The following CAST variants were observed in gnomAD, a reference collection of about 807,000 sequenced individuals.
CAST encodes the protein calpastatin.
In CAST, 76 loss-of-function variants were observed where a neutral mutation model predicts 119.6. That is an observed-to-expected ratio of 0.64 (90% CI 0.53 to 0.77). The LOEUF (loss-of-function observed/expected upper bound fraction) is 0.77, where lower values mean the gene tolerates loss of function less well. CAST is among the 30% of genes least tolerant of loss of function. The probability of loss-of-function intolerance (pLI) is 0.00; values close to 1 mark genes in which losing one functional copy is unlikely to be tolerated. For missense variants in CAST, 953 were observed against 946.5 expected (o/e 1.01, Z -0.09); for synonymous variants, 319 against 331.6 (o/e 0.96, Z 0.41).
chr5:96,487,958 C>T, the CAST span, among the ~76,000 whole-genome samples: 179 of 152,264 alleles, frequency 1.2e-3, 1 homozygote, highest in Non-Finnish European at 2.4e-3. Flanking sequence ...TTCCACTAAC[C>T]GTTAATAACC....
At chr5:96,642,490 C>A (rs553080321) in intron 1 of CAST, among the ~76,000 whole-genome samples, 1 of 151,440 alleles carries the variant, frequency 6.6e-6, no homozygotes, top group East Asian at 1.9e-4. Context: ...GCACTATTTG[C>A]ATTGAATGGC....
chr5:96,744,158 A>C (rs1763254895), intron 16 of CAST, among the ~76,000 whole-genome samples: 1 of 152,226 alleles, frequency 6.6e-6, no homozygotes, highest in African/African-American at 2.4e-5. Flanking sequence ...AGAAAACTTC[A>C]GAGTCGCAGC....
the CAST span, among the ~76,000 whole-genome samples, chr5:96,077,772 A>G: frequency 1.3e-5 from 2 of 152,158 alleles, no homozygotes; most frequent in Non-Finnish European, 2.9e-5. Context: ...CCCTCACCAC[A>G]AGCAGATGCT....
At chr5:96,061,565 G>A in the CAST span, among the ~76,000 whole-genome samples, 6 of 152,120 alleles carry the variant, frequency 3.9e-5, no homozygotes, top group African/African-American at 1.2e-4. Flanking sequence ...AGACTTGGAT[G>A]CACTATAGCC....
chr5:96,321,896 TC>T, the CAST span, among the ~76,000 whole-genome samples: 40 of 152,326 alleles, frequency 2.6e-4, no homozygotes, highest in African/African-American at 8.4e-4. Flanking sequence ...TGCTATGGTA[TC>T]TCCCTTCTCC....
chr5:96,272,887 A>G, the CAST span, among the ~76,000 whole-genome samples: 2 of 152,210 alleles, frequency 1.3e-5, no homozygotes, highest in African/African-American at 4.8e-5. Flanking sequence ...TTATATATCA[A>G]TAAAAAAATA....
the CAST span, among the ~76,000 whole-genome samples, chr5:95,981,799 C>T: frequency 2.4e-4 from 36 of 152,196 alleles, no homozygotes; most frequent in South Asian, 5.4e-3. Flanking sequence ...CACTTGAACC[C>T]GGGAGGTGGA....
the CAST span, chr5:96,392,498 G>A: frequency 6.3e-6 from 1 of 157,508 alleles, no homozygotes; most frequent in African/African-American, 2.4e-5. Context: ...GAAAGATCTA[G>A]GGAATGAGTC....
the CAST span, among the ~76,000 whole-genome samples, chr5:96,112,049 A>G: frequency 6.6e-6 from 1 of 151,390 alleles, no homozygotes; most frequent in Non-Finnish European, 1.5e-5. Flanking sequence ...TATTTATATT[A>G]TTAGTTTAAT....
intron 1 of CAST, among the ~76,000 whole-genome samples, chr5:96,608,321 AGGCAAAT>A (rs970451129): frequency 2.6e-5 from 4 of 152,322 alleles, no homozygotes; most frequent in South Asian, 2.1e-4. Flanking sequence ...CTGTGTTCTT[AGGCAAAT>A]GGCAAATGGC....
chr5:96,722,577 A>G, intron 3 of CAST, 62 bp from the exon 4 acceptor site: 1 of 1,258,968 alleles, frequency 7.9e-7, no homozygotes, highest in Non-Finnish European at 1.2e-6. Flanking sequence ...GAGGAGCTGA[A>G]GGACCATGTA....
intron 18 of CAST, 25 bp downstream of exon 18, chr5:96,747,417 TA>T (rs757034911): frequency 1.4e-5 from 21 of 1,459,220 alleles, no homozygotes; most frequent in Non-Finnish European, 1.4e-5. Context: ...TTTTTTCTGA[TA>T]CTTAAAGAAC....
intron 1 of CAST, among the ~76,000 whole-genome samples, chr5:96,626,741 A>C (rs1459942033): frequency 6.6e-6 from 1 of 152,144 alleles, no homozygotes; most frequent in Non-Finnish European, 1.5e-5. Context: ...TGCTATCTAG[A>C]TTGCTGTTCT....
intron 1 of CAST, among the ~76,000 whole-genome samples, chr5:96,618,174 G>A (rs1273713896): frequency 6.6e-6 from 1 of 152,232 alleles, no homozygotes; most frequent in Non-Finnish European, 1.5e-5. Flanking sequence ...TTTTCAGGCA[G>A]AAGGTAAATG....
At chr5:96,114,375 T>C in the CAST span, among the ~76,000 whole-genome samples, 1 of 152,170 alleles carries the variant, frequency 6.6e-6, no homozygotes, top group South Asian at 2.1e-4. Flanking sequence ...AGGGGATTTG[T>C]ATGTACATTG....
intron 1 of CAST, among the ~76,000 whole-genome samples, chr5:96,554,353 T>G (rs571558564): frequency 6.6e-6 from 1 of 152,322 alleles, no homozygotes; most frequent in Non-Finnish European, 1.5e-5. Context: ...GCTAACCATA[T>G]GCAGAAAACT....
chr5:96,097,503 G>T, the CAST span, among the ~76,000 whole-genome samples: 1 of 151,844 alleles, frequency 6.6e-6, no homozygotes, highest in Non-Finnish European at 1.5e-5. Context: ...CACTCTGAAG[G>T]CCACAGTGTG....
chr5:96,531,814 T>C (rs753763587), intron 1 of CAST, among the ~76,000 whole-genome samples: 14 of 152,068 alleles, frequency 9.2e-5, no homozygotes, highest in Non-Finnish European at 1.6e-4. Context: ...AAGTTTGCTC[T>C]GAAAAAAGGA....
chr5:96,045,819 G>A, the CAST span, among the ~76,000 whole-genome samples: 9 of 152,004 alleles, frequency 5.9e-5, no homozygotes, highest in Non-Finnish European at 1.0e-4. Flanking sequence ...TCTTATTTTA[G>A]TAAGAGGAGA....
Sources: allele counts gnomAD v4.1 joint callset (sites outside exome capture counted in the v4.1 genomes callset), GRCh38; gene constraint gnomAD v4.1.1; transcripts MANE v1.5; gene names NCBI Gene and HGNC (gene_info 2026-07-23, HGNC 2026-07-21).